Variants in KCNT2 observed in about 807,000 individuals in gnomAD.
KCNT2 encodes the protein potassium channel subfamily T member 2.
Under a neutral mutation model 153.8 loss-of-function variants are expected in KCNT2, and 67 were observed. The ratio of observed to expected loss-of-function variants is 0.44; its 90% CI spans 0.36 to 0.53. The LOEUF (loss-of-function observed/expected upper bound fraction) is 0.53. KCNT2 is among the 20% of genes least tolerant of loss of function. The pLI is 0.00. For missense variants in KCNT2, 975 were observed against 1,354.8 expected, an observed-to-expected ratio of 0.72 and a Z score of 4.40; for synonymous variants, 500 against 458.8, an observed-to-expected ratio of 1.09 and a Z score of -1.15.
intron 1 of KCNT2, among the ~76,000 whole-genome samples, chr1:196,558,380 CGTGTGTGT>C (rs142132505): frequency 1.6e-3 from 242 of 147,326 alleles, no homozygotes; most frequent in East Asian, 8.4e-3. Context: ...TCTAAAATAA[CGTGTGTGT>C]GTGTGTGTGT....
intron 1 of KCNT2, among the ~76,000 whole-genome samples, chr1:196,557,260 T>G (rs534228218): frequency 2.6e-5 from 4 of 151,414 alleles, no homozygotes; most frequent in African/African-American, 9.7e-5. Context: ...CTGAAATATA[T>G]ACACCTACCA....
chr1:196,589,264 AGT>A (rs10625619), intron 1 of KCNT2, among the ~76,000 whole-genome samples: 9 of 150,638 alleles, frequency 6.0e-5, no homozygotes, highest in Admixed American at 2.7e-4. Flanking sequence ...TATAAAAAAA[AGT>A]GTGTGTGTGT....
At chr1:196,520,466 C>T (rs1055969275) in intron 1 of KCNT2, among the ~76,000 whole-genome samples, 1 of 151,738 alleles carries the variant, frequency 6.6e-6, no homozygotes. Context: ...AGCAATCAGG[C>T]CCAAGAAAGA....
intron 14 of KCNT2, among the ~76,000 whole-genome samples, chr1:196,360,273 T>C (rs941990627): frequency 8.6e-5 from 13 of 152,036 alleles, no homozygotes; most frequent in Admixed American, 3.9e-4. Context: ...AGCCTTGTAG[T>C]AGGTTTTTTT....
intron 26 of KCNT2, chr1:196,257,352 T>C: frequency 1.0e-6 from 1 of 979,970 alleles, no homozygotes; most frequent in Non-Finnish European, 1.2e-6. Flanking sequence ...CATTGCCTCA[T>C]GTTGAGATTT....
chr1:196,280,875 T>G lies in KCNT2; in HGVS notation c.2895A>C (p.Lys965Asn), dbSNP rs746302605. 6.2e-7 allele frequency: 1 copy of G among 1,612,350 alleles called. No individual in the cohort carries two copies. The change falls in exon 25 of 28, where the codon AAA becomes AAC. Residue 965 changes from lysine (K) to asparagine (N), a missense_variant. Physicochemically the swap from Lys to Asn is moderately conservative, Grantham distance 94 (BLOSUM62 0). This residue lies in a region of KCNT2 where 241 missense variants were observed against 271.1 expected (regional missense o/e 0.89). Transcript: ENST00000294725. The part of the protein sequence containing the change: ...PIGIYRTESQ[K>N]LTTSESQISI... ...ATTTCCAAACCTCAGATGTAGTAAG[T>G]TTCTGAGACTCAGTCCTGTAGATTC...
intron 1 of KCNT2, among the ~76,000 whole-genome samples, chr1:196,502,457 A>G (rs1464724642): frequency 1.3e-5 from 2 of 152,216 alleles, no homozygotes; most frequent in Non-Finnish European, 2.9e-5. Flanking sequence ...GTATATGCAC[A>G]TATATGCATG....
intron 21 of KCNT2, among the ~76,000 whole-genome samples, chr1:196,305,921 AT>A (rs918793430): frequency 6.6e-6 from 1 of 151,920 alleles, no homozygotes; most frequent in African/African-American, 2.4e-5. Flanking sequence ...GTATCCTGAA[AT>A]TTTTTTTCAC....
chr1:196,475,864 C>T (rs1251390291), intron 5 of KCNT2, among the ~76,000 whole-genome samples: 2 of 152,134 alleles, frequency 1.3e-5, no homozygotes, highest in Non-Finnish European at 2.9e-5. Flanking sequence ...TTCTCTGTAA[C>T]ACACTGGACT....
At chr1:196,471,555 A>G (rs138741047) in intron 5 of KCNT2, among the ~76,000 whole-genome samples, 4 of 152,032 alleles carry the variant, frequency 2.6e-5, no homozygotes, top group African/African-American at 7.2e-5. Flanking sequence ...TTTGGTATCA[A>G]TGATTGTCCA....
chr1:196,346,562 T>G (rs1280364617), intron 14 of KCNT2, among the ~76,000 whole-genome samples: 3 of 152,142 alleles, frequency 2.0e-5, no homozygotes, highest in Non-Finnish European at 2.9e-5. Context: ...CACATTATTT[T>G]TAAGTATATA....
intron 25 of KCNT2, among the ~76,000 whole-genome samples, chr1:196,268,549 C>A (rs1657758522): frequency 6.6e-6 from 1 of 152,124 alleles, no homozygotes; most frequent in Non-Finnish European, 1.5e-5. Flanking sequence ...TCCAACATCA[C>A]GAGTGAACTG....
At chr1:196,458,875 T>A (rs2148643900) in intron 8 of KCNT2, among the ~76,000 whole-genome samples, 1 of 152,060 alleles carries the variant, frequency 6.6e-6, no homozygotes, top group Admixed American at 6.6e-5. Flanking sequence ...TGGAAAAACT[T>A]AATTAGCAAT....
intron 1 of KCNT2, among the ~76,000 whole-genome samples, chr1:196,513,721 C>T (rs976600579): frequency 6.6e-6 from 1 of 152,106 alleles, no homozygotes; most frequent in Non-Finnish European, 1.5e-5. Context: ...TTGCTCAGTA[C>T]CCTCTACTCC....
intron 3 of KCNT2, among the ~76,000 whole-genome samples, chr1:196,489,634 A>G (rs1241222801): frequency 6.6e-6 from 1 of 152,024 alleles, no homozygotes; most frequent in Non-Finnish European, 1.5e-5. Flanking sequence ...TATTAGCATC[A>G]GACAAACAGA....
chr1:196,386,220 A>G (rs1669969155), intron 13 of KCNT2, among the ~76,000 whole-genome samples: 2 of 152,216 alleles, frequency 1.3e-5, no homozygotes, highest in Admixed American at 1.3e-4. Flanking sequence ...TAGTTATTTG[A>G]TAACTGCAAC....
At chr1:196,316,103 AT>A in intron 20 of KCNT2, 77 bp from the exon 21 acceptor site, 4 of 1,323,340 alleles carry the variant, frequency 3.0e-6, no homozygotes, top group Non-Finnish European at 3.2e-6. Flanking sequence ...GTCTAGCACT[AT>A]CCCCTGTGCT....
chr1:196,578,391 A>C (rs1266481001), intron 1 of KCNT2, among the ~76,000 whole-genome samples: 1 of 152,128 alleles, frequency 6.6e-6, no homozygotes, highest in Non-Finnish European at 1.5e-5. Context: ...TGGTGCAAAA[A>C]ATAGAATGGC....
At chr1:196,435,155 A>G (rs1255995024) in intron 8 of KCNT2, among the ~76,000 whole-genome samples, 1 of 111,148 alleles carries the variant, frequency 9.0e-6, no homozygotes, top group African/African-American at 3.0e-5. Flanking sequence ...ATATATATAT[A>G]TATATATATA....
Sources: allele counts gnomAD v4.1 joint callset (sites outside exome capture counted in the v4.1 genomes callset), GRCh38; gene constraint gnomAD v4.1.1; regional missense constraint gnomAD v4.1.1; transcripts MANE v1.5; gene names NCBI Gene and HGNC (gene_info 2026-07-23, HGNC 2026-07-21).